The following FAM227B variants were observed in gnomAD, a reference collection of about 807,000 sequenced individuals.
FAM227B encodes the protein family with sequence similarity 227 member B.
Under a neutral mutation model 73.8 loss-of-function variants are expected in FAM227B, and 88 were observed. The ratio of observed to expected loss-of-function variants is 1.19; its 90% confidence interval spans 1.00 to 1.42. FAM227B has a LOEUF of 1.42. Among genes scored for constraint, FAM227B ranks in the 40% most tolerant of loss-of-function variants. FAM227B has a pLI of 0.00. For missense variants in FAM227B, 632 were observed against 590.9 expected (o/e 1.07, Z -0.72); for synonymous variants, 210 against 190.5 (o/e 1.10, Z -0.84).
chr15:49,360,001 A>G (rs888455104), intron 13 of FAM227B, among the ~76,000 whole-genome samples: 1 of 147,796 alleles, frequency 6.8e-6, no homozygotes, highest in African/African-American at 2.5e-5. Flanking sequence ...AAAAAACCAA[A>G]CACCGCATAT....
At chr15:49,387,227 A>G (rs1274230724) in intron 11 of FAM227B, among the ~76,000 whole-genome samples, 1 of 151,790 alleles carries the variant, frequency 6.6e-6, no homozygotes, top group Non-Finnish European at 1.5e-5. Flanking sequence ...TTATGAACAT[A>G]GATTCAAAAA....
At chr15:49,454,499 T>A (rs187351761) in intron 11 of FAM227B, among the ~76,000 whole-genome samples, 2 of 152,346 alleles carry the variant, frequency 1.3e-5, no homozygotes, top group Admixed American at 1.3e-4. Context: ...GCTGTGGAAC[T>A]CCCTACTAAT....
intron 11 of FAM227B, among the ~76,000 whole-genome samples, chr15:49,478,327 T>G (rs1256064725): frequency 1.3e-5 from 2 of 152,256 alleles, no homozygotes; most frequent in African/African-American, 4.8e-5. Flanking sequence ...GCCCACTTTT[T>G]AACTAGGTTT....
intron 8 of FAM227B, among the ~76,000 whole-genome samples, chr15:49,573,655 G>A (rs544281631): frequency 5.9e-5 from 9 of 152,106 alleles, no homozygotes; most frequent in East Asian, 1.9e-4. Context: ...ACCACATGCC[G>A]GTCCCTCTAT....
intron 11 of FAM227B, among the ~76,000 whole-genome samples, chr15:49,452,958 A>G (rs1349104813): frequency 6.6e-6 from 1 of 152,188 alleles, no homozygotes; most frequent in Non-Finnish European, 1.5e-5. Context: ...TATCACTTTA[A>G]AAGGTTTTCC....
At chr15:49,480,180 A>G (rs1410046856) in intron 11 of FAM227B, among the ~76,000 whole-genome samples, 8 of 152,226 alleles carry the variant, frequency 5.3e-5, no homozygotes, top group Admixed American at 4.6e-4. Context: ...TAAATATGTC[A>G]AGCAATTAAG....
rs1473209221 is a variant in FAM227B at position 49,478,619 on chromosome 15, AT to A, written c.1012+29591del. ...GAGGGTATATTTGATCAAGGACAAG[AT>A]TAAATGTTCTGATTGGCTAACCATC... On this transcript the variant is annotated intron_variant, in intron 11 of 15. Coordinates refer to ENST00000299338, the MANE Select transcript of FAM227B (RefSeq NM_152647.3). 6.6e-5 allele frequency among the ~76,000 whole-genome samples: 10 copies of A among 152,154 alleles called. 1 individual carries two copies. Among genetic ancestry groups the A allele is most frequent in the Non-Finnish European group, 1.5e-4 (10 of 68,014 alleles).
intron 11 of FAM227B, among the ~76,000 whole-genome samples, chr15:49,483,925 G>A (rs1445127749): frequency 6.6e-6 from 1 of 152,038 alleles, no homozygotes; most frequent in Non-Finnish European, 1.5e-5. Flanking sequence ...TCTCTCACCT[G>A]AGGGAGGCAG....
At chr15:49,551,204 G>A (rs963053889) in intron 9 of FAM227B, among the ~76,000 whole-genome samples, 1 of 152,210 alleles carries the variant, frequency 6.6e-6, no homozygotes, top group Non-Finnish European at 1.5e-5. Context: ...ATCAGGCAGG[G>A]AGGTTGCAGT....
rs59231447 is a variant in FAM227B, at chr15:49,446,792, A to C, written c.1012+61419T>G. On this transcript the variant is annotated intron_variant, in intron 11 of 15. Coordinates refer to ENST00000299338, the MANE Select transcript of FAM227B (RefSeq NM_152647.3). ...TAAAAAGAGAAGATAGCACAAAACA[A>C]GGATAAATGGGAGAGACAGAATTAA... Among the ~76,000 whole-genome samples, 1,024 of 151,676 alleles carry C rather than the reference A, an allele frequency of 6.8e-3. 12 individuals carry two copies. Among genetic ancestry groups the C allele is most frequent in the African/African-American group, 0.024 (989 of 41,464 alleles).
At chr15:49,546,810 T>C (rs533495884) in intron 9 of FAM227B, among the ~76,000 whole-genome samples, 1 of 152,296 alleles carries the variant, frequency 6.6e-6, no homozygotes, top group African/African-American at 2.4e-5. Flanking sequence ...GTCTGATTGG[T>C]GTACCTGAAA....
chr15:49,499,446 C>T (rs1014949696), intron 11 of FAM227B, among the ~76,000 whole-genome samples: 1 of 152,038 alleles, frequency 6.6e-6, no homozygotes, highest in African/African-American at 2.4e-5. Context: ...TGTGAACTGA[C>T]AAACTCACTT....
At position 49,328,659 on chromosome 15, in the gene FAM227B, A is replaced by G. The variant is rs2037958337; in HGVS notation, c.1436T>C (p.Ile479Thr). The G allele has an allele frequency of 6.4e-7, 1 of 1,567,712 alleles. No homozygotes were observed. Among genetic ancestry groups the G allele is most frequent in the Non-Finnish European group, 8.7e-7 (1 of 1,153,408 alleles). ...FLHKLRSEAE[I>T]ERECVASLSS... The stretch of plus-strand genomic sequence containing the variant: ...TAGTGATGCCACACATTCTCTCTCA[A>G]TTTCAGCTTCGGAACGCTATGAAAA... Residue 479 changes from isoleucine to threonine, a missense_variant, in exon 16 of 16, where the codon ATT (isoleucine) becomes ACT (threonine). Ile to Thr is a moderately conservative substitution (Grantham distance 89). Transcript: ENST00000299338.
At chr15:49,496,382 G>A (rs1215002475) in intron 11 of FAM227B, among the ~76,000 whole-genome samples, 1 of 152,022 alleles carries the variant, frequency 6.6e-6, no homozygotes, top group Admixed American at 6.6e-5. Flanking sequence ...TTGGGGGAGA[G>A]GTATAAAAAT....
In FAM227B at chr15:49,422,772, T is replaced by A. The variant is rs2049798615; in HGVS notation, c.1013-51373A>T. ...ATTCATATTCAATGAATTGTCTCTG[T>A]ATGATGTGATAATATTCAACTTATC... On this transcript the variant is annotated intron_variant, in intron 11 of 15. Coordinates refer to ENST00000299338, the MANE Select transcript of FAM227B (RefSeq NM_152647.3). The A allele has an allele frequency of 2.3e-6, 3 of 1,319,998 alleles. No homozygotes were observed. In the Admixed American group the frequency reaches 5.9e-5, roughly 26 times the overall value. 81.8% of individuals were successfully genotyped at this position (1,319,998 alleles called of 1,614,324 possible).
intron 10 of FAM227B, among the ~76,000 whole-genome samples, chr15:49,525,619 T>C (rs1002137538): frequency 1.7e-5 from 2 of 120,464 alleles, no homozygotes; most frequent in Non-Finnish European, 3.6e-5. Context: ...AACAGACCCA[T>C]CAAATGTGTA....
intron 3 of FAM227B, among the ~76,000 whole-genome samples, chr15:49,610,420 T>TAAAAAAA (rs72044107): frequency 8.4e-6 from 1 of 119,590 alleles, no homozygotes; most frequent in Non-Finnish European, 1.8e-5. Flanking sequence ...ACATTGAAAG[T>TAAAAAAA]AAAAAAAAAA....
chr15:49,425,184 A>G (rs1308208859), intron 11 of FAM227B: 1 of 151,990 alleles, frequency 6.6e-6, no homozygotes, highest in Non-Finnish European at 1.5e-5. Flanking sequence ...AGAAAAACAG[A>G]TCTCTCCTAA....
chr15:49,366,286 C>T, intron 13 of FAM227B: 1 of 787,936 alleles, frequency 1.3e-6, no homozygotes, highest in Non-Finnish European at 2.4e-6. Context: ...TCAGTATTTT[C>T]ACATCAGGAA....
Sources: allele counts gnomAD v4.1 joint callset (sites outside exome capture counted in the v4.1 genomes callset), GRCh38; gene constraint gnomAD v4.1.1; transcripts MANE v1.5; gene names NCBI Gene and HGNC (gene_info 2026-07-23, HGNC 2026-07-21).